The following KCNMA1 variants were observed in gnomAD, a reference collection of about 807,000 sequenced individuals.
The protein encoded by KCNMA1 is potassium calcium-activated channel subfamily M alpha 1.
In KCNMA1, 29 loss-of-function variants were observed where a neutral mutation model predicts 140.0. That is an observed-to-expected ratio of 0.21 (90% confidence interval 0.15 to 0.28). The LOEUF (loss-of-function observed/expected upper bound fraction) is 0.28, where lower values mean the gene tolerates loss of function less well. Among genes scored for constraint, KCNMA1 ranks in the 10% least tolerant of loss-of-function variants. The pLI is 1.00. For missense variants in KCNMA1, 880 were observed against 1,602.2 expected (o/e 0.55, Z 7.70); for synonymous variants, 612 against 611.9 (o/e 1.00, Z 0.00).
At chr10:77,483,633 G>C (rs1251439432) in intron 1 of KCNMA1, among the ~76,000 whole-genome samples, 1 of 152,182 alleles carries the variant, frequency 6.6e-6, no homozygotes, top group East Asian at 1.9e-4. Context: ...GCCACTCCAG[G>C]CCTCTCTGCT....
At chr10:76,992,593 A>G (rs1193728129) in intron 19 of KCNMA1, among the ~76,000 whole-genome samples, 1 of 152,152 alleles carries the variant, frequency 6.6e-6, no homozygotes, top group Non-Finnish European at 1.5e-5. Flanking sequence ...ATTTTGCCAC[A>G]TTGCACTTCC....
intron 1 of KCNMA1, among the ~76,000 whole-genome samples, chr10:77,508,581 C>CTTTTTTTTTTTTTT (rs761735012): frequency 8.0e-5 from 8 of 99,874 alleles, no homozygotes; most frequent in Admixed American, 1.2e-4. Flanking sequence ...TTTTTCTTTT[C>CTTTTTTTTTTTTTT]TTTTTTTTTT....
chr10:76,995,243 A>G (rs1162020672), intron 19 of KCNMA1: 1 of 165,112 alleles, frequency 6.1e-6, no homozygotes, highest in East Asian at 1.7e-4. Context: ...AACGTTTTAA[A>G]TGATAATGAA....
intron 1 of KCNMA1, among the ~76,000 whole-genome samples, chr10:77,542,729 A>C (rs1252934448): frequency 6.6e-6 from 1 of 152,180 alleles, no homozygotes; most frequent in East Asian, 1.9e-4. Context: ...GCACACACTC[A>C]TACTATCAAC....
intron 2 of KCNMA1, among the ~76,000 whole-genome samples, chr10:77,378,962 T>C (rs988106586): frequency 2.6e-5 from 4 of 152,336 alleles, no homozygotes; most frequent in African/African-American, 9.6e-5. Flanking sequence ...GGCCCCTACA[T>C]GTACGCTCAT....
At chr10:77,025,410 T>C in intron 16 of KCNMA1, 5 of 1,580,192 alleles carry the variant, frequency 3.2e-6, no homozygotes, top group Non-Finnish European at 4.3e-6. Flanking sequence ...AGATAGAGGG[T>C]GGAGGTTGGA....
At chr10:77,636,319 G>A in intron 1 of KCNMA1, 1 of 1,514,056 alleles carries the variant, frequency 6.6e-7, no homozygotes. Flanking sequence ...ACCAGGCAGT[G>A]AGCCTAGCAA....
At chr10:77,529,239 T>C (rs1000389095) in intron 1 of KCNMA1, among the ~76,000 whole-genome samples, 41 of 150,796 alleles carry the variant, frequency 2.7e-4, no homozygotes, top group Admixed American at 8.6e-4. Flanking sequence ...CCCCTCTTTT[T>C]CCCCCTGCAC....
intron 2 of KCNMA1, among the ~76,000 whole-genome samples, chr10:77,359,252 C>T (rs142680516): frequency 7.2e-5 from 11 of 152,158 alleles, no homozygotes; most frequent in South Asian, 2.1e-4. Context: ...CATGTGTTGG[C>T]GGGGAGGGGC....
At chr10:76,892,163 C>G (rs200825625) in intron 25 of KCNMA1, among the ~76,000 whole-genome samples, 1 of 152,156 alleles carries the variant, frequency 6.6e-6, no homozygotes, top group East Asian at 1.9e-4. Flanking sequence ...TTCCTCCCCA[C>G]GACAACGGCA....
At position 77,623,255 on chromosome 10, in the gene KCNMA1, C is replaced by T. The variant is rs1209100621; in HGVS notation, c.378+14010G>A. Among the ~76,000 whole-genome samples, 4 of 152,268 alleles carry T rather than the reference C, an allele frequency of 2.6e-5. No individual in the cohort carries two copies. The East Asian group carries it at 7.7e-4, about 29-fold the overall frequency. ...TTTAAAAAGGGACCAATTAAAAATA[C>T]AGCACTTGCATTGCCTGTCACGGGA... On this transcript the variant is annotated intron_variant, in intron 1 of 27. Transcript: ENST00000286628.
intron 1 of KCNMA1, chr10:77,433,707 C>A (rs528825424): frequency 6.6e-6 from 1 of 152,108 alleles, no homozygotes; most frequent in Non-Finnish European, 1.5e-5. Flanking sequence ...ATAACAAATG[C>A]GCCAACAATA....
At chr10:77,342,912 C>A (rs1377050218) in intron 2 of KCNMA1, among the ~76,000 whole-genome samples, 1 of 152,178 alleles carries the variant, frequency 6.6e-6, no homozygotes, top group Non-Finnish European at 1.5e-5. Context: ...GGAAATAATG[C>A]TGCAGGGCTG....
chr10:77,340,239 T>C (rs550168160), intron 2 of KCNMA1, among the ~76,000 whole-genome samples: 1 of 152,128 alleles, frequency 6.6e-6, no homozygotes, highest in South Asian at 2.1e-4. Flanking sequence ...TGTGGAGAAA[T>C]AGGAACACTT....
In KCNMA1 at chr10:77,383,024, ATATATT is replaced by A. The variant is rs377714111; in HGVS notation, c.540+20832_540+20837del. Among the ~76,000 whole-genome samples, 1,247 of 127,788 alleles carry A rather than the reference ATATATT, an allele frequency of 9.8e-3. 9 individuals are homozygous for A. Among genetic ancestry groups the A allele is most frequent in the African/African-American group, 0.013 (421 of 32,410 alleles). 83.8% of individuals were successfully genotyped at this position (127,788 alleles called of 152,430 possible). A position where few individuals can be genotyped will look rare whatever the true frequency, so the allele number is the denominator to read the frequency against. ...TATATATATATATATATATATATAT[ATATATT>A]CCAAGTGGAGGAAAGAAGTTTTCAG... On this transcript the variant is annotated intron_variant, in intron 2 of 27. Coordinates refer to ENST00000286628, the MANE Select transcript of KCNMA1 (RefSeq NM_001161352.2).
intron 25 of KCNMA1, among the ~76,000 whole-genome samples, chr10:76,900,237 G>C (rs1564790735): frequency 8.3e-6 from 1 of 120,096 alleles, no homozygotes. Flanking sequence ...AATCTTCAAT[G>C]TTTAATGGAA....
intron 3 of KCNMA1, among the ~76,000 whole-genome samples, chr10:77,204,819 G>A (rs1197468616): frequency 6.6e-6 from 1 of 152,132 alleles, no homozygotes; most frequent in Admixed American, 6.5e-5. Context: ...TCCTGCATAC[G>A]AGTGAAACTA....
At position 77,394,980 on chromosome 10, in the gene KCNMA1, T is replaced by C. The variant is rs146002883; in HGVS notation, c.540+8882A>G. ...ATGGCTGTATTCCAATGCAACTTTG[T>C]TTATGGACGCTGAAATTTGAATTTC... On this transcript the variant is annotated intron_variant, in intron 2 of 27. Coordinates refer to ENST00000286628, the MANE Select transcript of KCNMA1 (RefSeq NM_001161352.2). Among the ~76,000 whole-genome samples the C allele has an allele frequency of 9.8e-5, 15 of 152,302 alleles. No individual in the cohort carries two copies. The East Asian group carries it at 2.9e-3, about 29-fold the overall frequency.
chr10:77,017,788 C>T (rs147695500), intron 17 of KCNMA1, among the ~76,000 whole-genome samples: 2 of 152,276 alleles, frequency 1.3e-5, no homozygotes, highest in East Asian at 1.9e-4. Flanking sequence ...AGCAGTATGG[C>T]TTTGGGCAAG....
Sources: allele counts gnomAD v4.1 joint callset (sites outside exome capture counted in the v4.1 genomes callset), GRCh38; gene constraint gnomAD v4.1.1; transcripts MANE v1.5; gene names NCBI Gene and HGNC (gene_info 2026-07-23, HGNC 2026-07-21).